Variants in SGPP2 observed in about 807,000 individuals in gnomAD.
SGPP2 encodes sphingosine 1-phosphate phosphohydrolase 2.
Under a neutral mutation model 33.9 loss-of-function variants are expected in SGPP2, and 30 were observed. That is an observed-to-expected ratio of 0.89 (90% CI 0.66 to 1.20). SGPP2 has a LOEUF of 1.20. SGPP2 is among the 50% of genes most tolerant of loss of function. SGPP2 has a pLI of 0.00. For synonymous variants in SGPP2, 233 were observed against 225.0 expected, an observed-to-expected ratio of 1.04 and a Z score of -0.32; for missense variants, 458 against 532.1, an observed-to-expected ratio of 0.86 and a Z score of 1.37.
intron 1 of SGPP2, among the ~76,000 whole-genome samples, chr2:222,428,895 G>T (rs766297637): frequency 7.0e-6 from 1 of 141,892 alleles, no homozygotes; most frequent in Non-Finnish European, 1.5e-5. Flanking sequence ...GGATTCAAAC[G>T]ATTCTCCTGC....
chr2:222,498,781 C>G (rs1039500159), intron 2 of SGPP2, among the ~76,000 whole-genome samples: 13 of 151,892 alleles, frequency 8.6e-5, no homozygotes, highest in African/African-American at 3.1e-4. Flanking sequence ...GAGAGGCATG[C>G]CGTGTTAAGT....
intron 1 of SGPP2, among the ~76,000 whole-genome samples, chr2:222,455,823 G>C (rs750855384): frequency 1.3e-5 from 2 of 152,216 alleles, no homozygotes; most frequent in Non-Finnish European, 2.9e-5. Flanking sequence ...TGCTTTGGGA[G>C]CCCAGGAGTT....
chr2:222,553,552 A>G (rs540014639), intron 4 of SGPP2, among the ~76,000 whole-genome samples: 1 of 152,310 alleles, frequency 6.6e-6, no homozygotes, highest in East Asian at 1.9e-4. Flanking sequence ...ATCATAGGGC[A>G]GTACCCTGAA....
At chr2:222,480,780 T>A (rs894409429) in intron 2 of SGPP2, among the ~76,000 whole-genome samples, 1 of 152,240 alleles carries the variant, frequency 6.6e-6, no homozygotes, top group Non-Finnish European at 1.5e-5. Context: ...AAATCATTGC[T>A]AATTTAACCA....
At chr2:222,487,083 GACTTATA>G (rs1698122779) in intron 2 of SGPP2, among the ~76,000 whole-genome samples, 1 of 152,104 alleles carries the variant, frequency 6.6e-6, no homozygotes, top group African/African-American at 2.4e-5. Flanking sequence ...GATTAGAAAT[GACTTATA>G]ACTCATGATG....
intron 2 of SGPP2, among the ~76,000 whole-genome samples, chr2:222,512,108 G>A (rs1231060560): frequency 2.6e-5 from 4 of 151,800 alleles, no homozygotes; most frequent in African/African-American, 2.4e-5. Context: ...TCCTCCTCCC[G>A]GGTTCACGCC....
At position 222,476,884 on chromosome 2, in the gene SGPP2, A is replaced by G. The variant is rs116534724; in HGVS notation, c.378+2158A>G. Among the ~76,000 whole-genome samples the G allele has an allele frequency of 5.5e-3, 823 of 150,622 alleles. 7 individuals carry two copies. The highest frequency in any genetic ancestry group is 0.014 in the Middle Eastern group (4 of 286). On this transcript the variant is annotated intron_variant, in intron 2 of 4. Transcript: ENST00000321276. This position sits in a 1 kb window ranked among gnomAD's most constrained non-coding sequence, Gnocchi z 4.3. ...TGTGTATATATAGGTGTGTGTATAT[A>G]TGTGTGTTTATTGTATGTATATAGA...
intron 2 of SGPP2, among the ~76,000 whole-genome samples, chr2:222,503,710 G>T (rs1188112469): frequency 1.3e-5 from 2 of 152,198 alleles, no homozygotes; most frequent in Non-Finnish European, 2.9e-5. Context: ...AACAAGGGAA[G>T]ACTCTCAGGT....
intron 4 of SGPP2, among the ~76,000 whole-genome samples, chr2:222,527,195 A>G (rs1240149262): frequency 6.6e-6 from 1 of 152,102 alleles, no homozygotes; most frequent in Non-Finnish European, 1.5e-5. Flanking sequence ...AGATGCAAGG[A>G]ATATTATATG....
chr2:222,525,097 A>G, intron 4 of SGPP2, 64 bp downstream of exon 4: 1 of 1,142,918 alleles, frequency 8.7e-7, no homozygotes. Context: ...GTGTGTCAAT[A>G]TGTTTCTCAT....
chr2:222,545,527 C>A (rs926645499), intron 4 of SGPP2, among the ~76,000 whole-genome samples: 2 of 152,066 alleles, frequency 1.3e-5, no homozygotes, highest in African/African-American at 4.8e-5. Context: ...ATTGATCTGC[C>A]CACCTCTGCC....
chr2:222,501,318 T>A (rs1379441030), intron 2 of SGPP2, among the ~76,000 whole-genome samples: 1 of 60,194 alleles, frequency 1.7e-5, no homozygotes. Flanking sequence ...CAGAAATAAA[T>A]CTTACTTATT....
chr2:222,430,326 T>C (rs1392587890), intron 1 of SGPP2, among the ~76,000 whole-genome samples: 2 of 152,140 alleles, frequency 1.3e-5, no homozygotes, highest in Non-Finnish European at 2.9e-5. Context: ...ATCATCAGAG[T>C]GTCAGCAGGA....
chr2:222,439,962 A>G (rs1697300108), intron 1 of SGPP2, among the ~76,000 whole-genome samples: 2 of 152,206 alleles, frequency 1.3e-5, no homozygotes, highest in African/African-American at 4.8e-5. Context: ...TTGGAAGGAA[A>G]TGGTGAAGGG....
chr2:222,491,107 A>G (rs907863753), intron 2 of SGPP2, among the ~76,000 whole-genome samples: 3 of 151,832 alleles, frequency 2.0e-5, no homozygotes, highest in Admixed American at 6.6e-5. Flanking sequence ...ATTTCTAAAA[A>G]TAATCTTTAA....
chr2:222,466,934 C>G (rs1024000226), intron 1 of SGPP2, among the ~76,000 whole-genome samples: 2 of 152,124 alleles, frequency 1.3e-5, no homozygotes, highest in African/African-American at 2.4e-5. Flanking sequence ...GGGCTCAGTT[C>G]CTGTGTTGCA....
intron 2 of SGPP2, among the ~76,000 whole-genome samples, chr2:222,495,174 G>A (rs577580864): frequency 2.6e-5 from 4 of 152,206 alleles, no homozygotes; most frequent in Non-Finnish European, 5.9e-5. Flanking sequence ...AGCACCTTGG[G>A]AGGCTGAGGT....
chr2:222,455,538 T>C (rs909038243), intron 1 of SGPP2, among the ~76,000 whole-genome samples: 1 of 152,206 alleles, frequency 6.6e-6, no homozygotes, highest in African/African-American at 2.4e-5. Flanking sequence ...TCCTTGACCA[T>C]GGCTGTGCTT....
chr2:222,437,277 TA>T (rs1356139174), intron 1 of SGPP2, among the ~76,000 whole-genome samples: 1 of 152,198 alleles, frequency 6.6e-6, no homozygotes, highest in East Asian at 1.9e-4. Flanking sequence ...AGTCAGTATA[TA>T]ATTGCACATC....
Sources: allele counts gnomAD v4.1 joint callset (sites outside exome capture counted in the v4.1 genomes callset), GRCh38; gene constraint gnomAD v4.1.1; non-coding constraint Gnocchi (gnomAD v3.1); transcripts MANE v1.5; gene names NCBI Gene and HGNC (gene_info 2026-07-23, HGNC 2026-07-21).